Variants in TMED4 observed in about 807,000 individuals in gnomAD.
TMED4 encodes transmembrane p24 trafficking protein 4.
A neutral mutation model predicts 26.5 loss-of-function variants in TMED4; 19 were observed. The observed-to-expected ratio is 0.72, with a 90% CI of 0.50 to 1.05. The LOEUF is 1.05. Ranked by LOEUF, TMED4 falls within the 50% of genes least tolerant of loss-of-function variation. The pLI, the probability that TMED4 is intolerant of heterozygous loss-of-function variation, is 0.00. For missense variants in TMED4, 303 were observed against 302.5 expected (o/e 1.00, Z -0.01); for synonymous variants, 121 against 119.8 (o/e 1.01, Z -0.07).
In TMED4 at chr7:44,581,498, C is replaced by T; in HGVS notation, c.338G>A (p.Cys113Tyr). 2 of 1,614,200 alleles carry T rather than the reference C, an allele frequency of 1.2e-6. No individual in the cohort carries two copies. Among genetic ancestry groups the T allele is most frequent in the Non-Finnish European group, 8.5e-7 (1 of 1,180,042 alleles). ...TSHTPGDHQI[C>Y]LHSNSTRMAL... ...CATCCTGGTAGAATTGGAGTGCAGA[C>T]AGATTTGATGGTCACCGGGCGTGTG... Residue 113 changes from cysteine to tyrosine, a missense_variant, in exon 3 of 5, where the codon TGT becomes TAT. Cys to Tyr is a radical substitution (Grantham distance 194, BLOSUM62 -2). Coordinates refer to ENST00000457408, the MANE Select transcript of TMED4 (RefSeq NM_182547.4).
rs553804664 is a variant in TMED4, at chr7:44,582,216, G to GC, written c.-11dup. On this transcript the variant is annotated 5_prime_UTR_variant, in exon 1 of 5. Transcript: ENST00000457408. ...CCCCGACACCTGCCATCGCGCCTCAGCCCCTAAGCGCCTGCGCACATTTGC... is the reference window on the plus strand; with the variant it reads ...CCCCGACACCTGCCATCGCGCCTCAGCCCCCTAAGCGCCTGCGCACATTTGC... The GC allele has an allele frequency of 1.1e-4, 167 of 1,534,894 alleles. No individual in the cohort carries two copies. The highest frequency in any genetic ancestry group is 1.4e-4 in the Non-Finnish European group (161 of 1,144,356).
In TMED4 at chr7:44,578,707, A is replaced by G. The variant is rs887725370; in HGVS notation, c.*772T>C. On this transcript the variant is annotated 3_prime_UTR_variant, in exon 5 of 5. Transcript: ENST00000457408. ...ATGGTAAAACCCCATCTCTACTAAA[A>G]ATACAAAAATTAGCTGAGCGTGGTG... 3 of 152,060 alleles carry G rather than the reference A, an allele frequency of 2.0e-5. No individual in the cohort carries two copies. Among genetic ancestry groups the G allele is most frequent in the Non-Finnish European group, 4.4e-5 (3 of 68,046 alleles). 9.4% of individuals were successfully genotyped at this position (152,060 alleles called of 1,614,324 possible).
Position 44,582,199 on chromosome 7 carries a change from C to T in TMED4, c.8G>A (p.Gly3Asp). ...CGCCCGCAGAGGCCCAGCCCCGACA[C>T]CTGCCATCGCGCCTCAGCCCCTAAG... MAGVGAGPLRAMG... is the reference protein window; with the variant it reads MADVGAGPLRAMG... The change falls in exon 1 of 5, where the codon GGT (glycine) becomes GAT (aspartate). Residue 3 changes from glycine to aspartate, a missense_variant. Coordinates refer to ENST00000457408, the MANE Select transcript of TMED4 (RefSeq NM_182547.4). The T allele has an allele frequency of 6.5e-7, 1 of 1,543,560 alleles. No individual in the cohort carries two copies. Among genetic ancestry groups the T allele is most frequent in the Non-Finnish European group, 8.7e-7 (1 of 1,145,746 alleles).
In TMED4 at chr7:44,578,934, G is replaced by C. The variant is rs916807865; in HGVS notation, c.*545C>G. On this transcript the variant is annotated 3_prime_UTR_variant, in exon 5 of 5. Transcript: ENST00000457408. ...GAAACTGCATTGGTATTTTGAGCTAGTTACAGGCAGTAACACTTCTACTAG... is the reference window on the plus strand; with the variant it reads ...GAAACTGCATTGGTATTTTGAGCTACTTACAGGCAGTAACACTTCTACTAG... 6.7e-6 allele frequency: 1 copy of C among 149,122 alleles called. No homozygotes were observed. The highest frequency in any genetic ancestry group is 1.5e-5 in the Non-Finnish European group (1 of 67,508). 9.2% of individuals were successfully genotyped at this position (149,122 alleles called of 1,614,324 possible). A position where few individuals can be genotyped will look rare whatever the true frequency, so the allele number is the denominator to read the frequency against.
In TMED4 at chr7:44,578,124, T is replaced by C. The variant is rs558416295; in HGVS notation, c.*1355A>G. On this transcript the variant is annotated 3_prime_UTR_variant, in exon 5 of 5. Transcript: ENST00000457408. ...GGTCTATTTGGTTGACCTTTGCAAA[T>C]AGTTGAACAACCACACCGTGTATTC... 5.9e-5 allele frequency: 9 copies of C among 152,284 alleles called. No homozygotes were observed. In the South Asian group the frequency reaches 8.3e-4, roughly 14 times the overall value. 9.4% of individuals were successfully genotyped at this position (152,284 alleles called of 1,614,324 possible). A position where few individuals can be genotyped will look rare whatever the true frequency, so the allele number is the denominator to read the frequency against.
intron 1 of TMED4, 93 bp from the exon 2 acceptor site, chr7:44,581,916 G>T: frequency 6.4e-7 from 1 of 1,570,894 alleles, no homozygotes. Flanking sequence ...TAGGCAGGGG[G>T]CCTGGCGTCC....
In TMED4 at chr7:44,579,602, C is replaced by T. The variant is rs530462332; in HGVS notation, c.561G>A (p.Thr187=). The T allele has an allele frequency of 3.7e-6, 6 of 1,614,014 alleles. No homozygotes were observed. Among genetic ancestry groups the T allele is most frequent in the Admixed American group, 1.7e-5 (1 of 60,012 alleles). ...GGACCCTCTGGTTGGTGCTCTCGCTCGTCAGTCGGAAGCGCTCTTCACGAT... is the reference window on the plus strand; with the variant it reads ...GGACCCTCTGGTTGGTGCTCTCGCTTGTCAGTCGGAAGCGCTCTTCACGAT... ...QRYREERFRL[T]SESTNQRVLW... The change falls in exon 5 of 5, where the codon ACG becomes ACA. Residue 187 remains threonine (T), a synonymous_variant. Coordinates refer to ENST00000457408, the MANE Select transcript of TMED4 (RefSeq NM_182547.4).
Position 44,578,900 on chromosome 7 carries a change from C to CAAAA in TMED4, c.*578_*579insTTTT, listed in dbSNP as rs1802895674. ...AAAAAAAAAAAGGAAAAACAAAACC[C>CAAAA]AGAATGCAGAAACTGCATTGGTATT... On this transcript the variant is annotated 3_prime_UTR_variant, in exon 5 of 5. Transcript: ENST00000457408. 6.8e-6 allele frequency: 1 copy of CAAAA among 148,000 alleles called. No homozygotes were observed. Among genetic ancestry groups the CAAAA allele is most frequent in the African/African-American group, 2.5e-5 (1 of 40,160 alleles). 9.2% of individuals were successfully genotyped at this position (148,000 alleles called of 1,614,324 possible). A position where few individuals can be genotyped will look rare whatever the true frequency, so the allele number is the denominator to read the frequency against.
Position 44,578,235 on chromosome 7 carries a change from G to GC in TMED4, c.*1243dup, listed in dbSNP as rs1445987958. ...CCACTCCAGGTTATCTGCATAGGTA[G>GC]CCCAGGCACCTTTCCTCTTTTCCTT... On this transcript the variant is annotated 3_prime_UTR_variant, in exon 5 of 5. Transcript: ENST00000457408. 1 of 152,180 alleles carries GC rather than the reference G, an allele frequency of 6.6e-6. No homozygotes were observed. The highest frequency in any genetic ancestry group is 2.4e-5 in the African/African-American group (1 of 41,434). 9.4% of individuals were successfully genotyped at this position (152,180 alleles called of 1,614,324 possible).
At chr7:44,579,689 C>T in intron 4 of TMED4, 61 bp from the exon 5 acceptor site, 1 of 1,570,000 alleles carries the variant, frequency 6.4e-7, no homozygotes. Context: ...TGTGAGGTCC[C>T]TCCCTGCGTG....
In TMED4 at chr7:44,578,649, T is replaced by G. The variant is rs1802884956; in HGVS notation, c.*830A>C. 6.6e-6 allele frequency: 1 copy of G among 152,100 alleles called. No individual in the cohort carries two copies. Among genetic ancestry groups the G allele is most frequent in the Non-Finnish European group, 1.5e-5 (1 of 68,016 alleles). The allele number at this position is 152,100 out of a possible 1,614,324, so 9.4% of individuals were successfully genotyped here. A position where few individuals can be genotyped will look rare whatever the true frequency, so the allele number is the denominator to read the frequency against. The stretch of plus-strand genomic sequence containing the variant: ...CAGAGGCTGAGGCAGGTGGATCAAC[T>G]GAGGTCAGGAGTCTAAGACCAGCCT... On this transcript the variant is annotated 3_prime_UTR_variant, in exon 5 of 5. Coordinates refer to ENST00000457408, the MANE Select transcript of TMED4 (RefSeq NM_182547.4).
At chr7:44,581,857 A>C in intron 1 of TMED4, 34 bp from the exon 2 acceptor site, 2 of 1,605,058 alleles carry the variant, frequency 1.2e-6, no homozygotes, top group Non-Finnish European at 1.7e-6. Context: ...GACCGGCCCT[A>C]GTGGGCCGCC....
intron 4 of TMED4, chr7:44,580,674 C>T (rs528501583): frequency 2.2e-4 from 37 of 171,340 alleles, no homozygotes; most frequent in South Asian, 6.3e-4. Context: ...AGGCAGGGCG[C>T]GGTAGCTCAC....
intron 4 of TMED4, 31 bp from the exon 5 acceptor site, chr7:44,579,659 A>C: frequency 6.3e-7 from 1 of 1,597,112 alleles, no homozygotes; most frequent in Non-Finnish European, 8.6e-7. Context: ...TTAAGTGAGC[A>C]GGAGAAACAG....
At chr7:44,581,682 C>T (rs1803003098) in intron 2 of TMED4, 41 bp downstream of exon 2, 1 of 1,613,786 alleles carries the variant, frequency 6.2e-7, no homozygotes, top group African/African-American at 1.3e-5. Context: ...CCCACGGGAG[C>T]TCCACTGAAG....
rs773224200 is a variant in TMED4, at chr7:44,582,031, C to T, written c.160+16G>A. 2.0e-5 allele frequency: 31 copies of T among 1,549,626 alleles called. No individual in the cohort carries two copies. Among genetic ancestry groups the T allele is most frequent in the Non-Finnish European group, 1.2e-5 (14 of 1,146,054 alleles). On this transcript the variant is annotated intron_variant, in intron 1 of 4. Transcript: ENST00000457408. ...AGCTGGGTACAAAGGGCCTCCCCAC[C>T]CTCAGCCCGCCTGACCGATGACCAT...
rs1802886841 is a variant in TMED4, at chr7:44,578,711, C to CA, written c.*767dup. ...TAAAACCCCATCTCTACTAAAAATA[C>CA]AAAAATTAGCTGAGCGTGGTGGCGG... On this transcript the variant is annotated 3_prime_UTR_variant, in exon 5 of 5. Transcript: ENST00000457408. The CA allele has an allele frequency of 6.6e-6, 1 of 151,914 alleles. No homozygotes were observed. The highest frequency in any genetic ancestry group is 2.1e-4 in the South Asian group (1 of 4,820). The allele number at this position is 151,914 out of a possible 1,614,324, so 9.4% of individuals were successfully genotyped here. A position where few individuals can be genotyped will look rare whatever the true frequency, so the allele number is the denominator to read the frequency against.
intron 4 of TMED4, chr7:44,580,242 GCT>G (rs1562590100): frequency 6.6e-6 from 1 of 152,416 alleles, no homozygotes; most frequent in Non-Finnish European, 1.5e-5. Flanking sequence ...ACTTTGGGAG[GCT>G]GCGGCAGTGG....
Position 44,581,315 on chromosome 7 carries a change from C to T in TMED4, c.388-76G>A, listed in dbSNP as rs946466286. 2.5e-6 allele frequency: 4 copies of T among 1,600,320 alleles called. No individual in the cohort carries two copies. The South Asian group carries it at 4.5e-5, about 18-fold the overall frequency. On this transcript the variant is annotated intron_variant, in intron 3 of 4. Coordinates refer to ENST00000457408, the MANE Select transcript of TMED4 (RefSeq NM_182547.4). ...CCAGGGTATGGAACCCACTATTGTC[C>T]CTGGCTGTGGAGCAGAAGGCAACAT...
Sources: gnomAD v4.1 joint callset for allele counts on GRCh38, gnomAD v4.1.1 for gene constraint, MANE v1.5 for transcripts, NCBI Gene and HGNC (gene_info 2026-07-23, HGNC 2026-07-21) for gene names.